KIAA0825: variants seen among roughly 807,000 people sequenced by gnomAD.
KIAA0825 encodes KIAA0825.
In KIAA0825, 119 loss-of-function variants were observed where a neutral mutation model predicts 147.6. That is an observed-to-expected ratio of 0.81 (90% CI 0.69 to 0.94). The LOEUF (loss-of-function observed/expected upper bound fraction) is 0.94. Among genes scored for constraint, KIAA0825 ranks in the 40% least tolerant of loss-of-function variants. The probability of loss-of-function intolerance (pLI) is 0.00; values close to 1 mark genes in which losing one functional copy is unlikely to be tolerated. For missense variants in KIAA0825, 1,381 were observed against 1,472.7 expected (o/e 0.94, Z 1.02); for synonymous variants, 470 against 518.1 (o/e 0.91, Z 1.26).
intron 2 of KIAA0825, among the ~76,000 whole-genome samples, chr5:94,555,266 GAT>G: frequency 6.6e-6 from 1 of 152,064 alleles, no homozygotes; most frequent in South Asian, 2.1e-4. Flanking sequence ...TTAATTTGTT[GAT>G]AGTCATTTAA....
At chr5:94,229,111 C>A (rs1774461636) in intron 20 of KIAA0825, among the ~76,000 whole-genome samples, 1 of 152,210 alleles carries the variant, frequency 6.6e-6, no homozygotes, top group Non-Finnish European at 1.5e-5. Flanking sequence ...TGCTTCCCTC[C>A]TGTGTTAGAT....
intron 15 of KIAA0825, 78 bp downstream of exon 15, chr5:94,417,123 T>G (rs1753575032): frequency 1.5e-6 from 2 of 1,362,436 alleles, no homozygotes; most frequent in Non-Finnish European, 2.0e-6. Flanking sequence ...CCAGTATCAA[T>G]ACAACTTCTA....
intron 20 of KIAA0825, among the ~76,000 whole-genome samples, chr5:94,380,105 A>G (rs1239410523): frequency 6.6e-6 from 1 of 151,906 alleles, no homozygotes; most frequent in Non-Finnish European, 1.5e-5. Context: ...CACCCGCCTC[A>G]GCCTCCCAAA....
chr5:94,446,938 T>A (rs2150878929), intron 13 of KIAA0825, among the ~76,000 whole-genome samples: 1 of 152,236 alleles, frequency 6.6e-6, no homozygotes, highest in South Asian at 2.1e-4. Flanking sequence ...GGAGAGTAGA[T>A]ATTAGAAGTT....
chr5:94,161,456 C>T (rs1373656434), intron 20 of KIAA0825, among the ~76,000 whole-genome samples: 20 of 152,192 alleles, frequency 1.3e-4, no homozygotes. Flanking sequence ...CCACCTTTTT[C>T]ATGGAGAACT....
chr5:94,487,164 C>A (rs2151057067), intron 5 of KIAA0825, among the ~76,000 whole-genome samples: 2 of 152,204 alleles, frequency 1.3e-5, no homozygotes, highest in Middle Eastern at 3.4e-3. Flanking sequence ...ATCTTGTATT[C>A]CAGGAATACA....
rs1163891085 is a variant in KIAA0825, at chr5:94,153,532, A to G, written c.*475T>C. 1 of 152,268 alleles carries G rather than the reference A, an allele frequency of 6.6e-6. No individual in the cohort carries two copies. The highest frequency in any genetic ancestry group is 1.5e-5 in the Non-Finnish European group (1 of 68,124). 9.4% of individuals were successfully genotyped at this position (152,268 alleles called of 1,614,324 possible). On this transcript the variant is annotated 3_prime_UTR_variant, in exon 21 of 21. Coordinates refer to ENST00000682413, the MANE Select transcript of KIAA0825 (RefSeq NM_001145678.3). ...TAGATAAATTGAATGAGGAAAGTTGACACAATTGTGGATAGTAAAGGCAAT... is the reference window on the plus strand; with the variant it reads ...TAGATAAATTGAATGAGGAAAGTTGGCACAATTGTGGATAGTAAAGGCAAT...
chr5:94,448,722 G>T (rs906569362), intron 13 of KIAA0825, among the ~76,000 whole-genome samples: 7 of 152,076 alleles, frequency 4.6e-5, no homozygotes, highest in African/African-American at 1.7e-4. Flanking sequence ...CTAAAGTGAA[G>T]AATAGAGTTT....
chr5:94,452,960 TGA>T lies in KIAA0825; in HGVS notation c.2354_2355del (p.Leu785GlnfsTer24). Reference sequence around the variant, plus strand: ...AGTATGGCATTTAGAGGCTCTCACCTGAGTAAAGAAGGGTAGAAATGTGATAT... The same window carrying T: ...AGTATGGCATTTAGAGGCTCTCACCTGTAAAGAAGGGTAGAAATGTGATAT... ...SCISHFYPSL[L>X]RTPSAGGLKA... On this transcript the variant is annotated frameshift_variant and splice_region_variant, in exon 13 of 21. Transcript: ENST00000682413. LOFTEE classifies it high-confidence loss of function. The T allele has an allele frequency of 6.8e-7, 1 of 1,462,302 alleles. No homozygotes were observed. Among genetic ancestry groups the T allele is most frequent in the Non-Finnish European group, 9.1e-7 (1 of 1,093,088 alleles). 90.6% of individuals were successfully genotyped at this position (1,462,302 alleles called of 1,614,324 possible). A position where few individuals can be genotyped will look rare whatever the true frequency, so the allele number is the denominator to read the frequency against.
chr5:94,290,402 G>T (rs1777837183), intron 20 of KIAA0825, among the ~76,000 whole-genome samples: 1 of 152,104 alleles, frequency 6.6e-6, no homozygotes, highest in African/African-American at 2.4e-5. Flanking sequence ...TTCTGTTCCT[G>T]TGTTAGTTTG....
intron 14 of KIAA0825, among the ~76,000 whole-genome samples, chr5:94,418,993 A>T (rs10050377): frequency 0.49 from 73,638 of 151,778 alleles, 18,249 homozygotes; most frequent in African/African-American, 0.55. Context: ...TTCTCCACCA[A>T]CAGCCTCGCA....
chr5:94,379,131 G>C (rs568787378), intron 20 of KIAA0825, among the ~76,000 whole-genome samples: 3 of 152,142 alleles, frequency 2.0e-5, no homozygotes, highest in African/African-American at 7.2e-5. Flanking sequence ...TGTCAATTTT[G>C]GTTTTTGTTT....
At position 94,434,669 on chromosome 5, in the gene KIAA0825, G is replaced by A. The variant is rs1012814407; in HGVS notation, c.2497+5313C>T. Reference sequence around the variant, plus strand: ...GGAGGCTGGGAAGTCCAAGAGCATGGCGCCAGCATCTAATGAGGATCATCT... The same window carrying A: ...GGAGGCTGGGAAGTCCAAGAGCATGACGCCAGCATCTAATGAGGATCATCT... On this transcript the variant is annotated intron_variant, in intron 14 of 20. Transcript: ENST00000682413. Among the ~76,000 whole-genome samples, 2 of 152,172 alleles carry A rather than the reference G, an allele frequency of 1.3e-5. 1 individual carries two copies. The highest frequency in any genetic ancestry group is 2.9e-5 in the Non-Finnish European group (2 of 68,034).
chr5:94,186,828 G>C (rs1378964767), intron 20 of KIAA0825, among the ~76,000 whole-genome samples: 1 of 152,148 alleles, frequency 6.6e-6, no homozygotes, highest in Non-Finnish European at 1.5e-5. Context: ...CCTTCAGTTT[G>C]GGTAGAGAAA....
chr5:94,458,253 T>C (rs889808291), intron 12 of KIAA0825, among the ~76,000 whole-genome samples: 2 of 152,180 alleles, frequency 1.3e-5, no homozygotes, highest in African/African-American at 2.4e-5. Flanking sequence ...TGAAAATAAC[T>C]CTTTGAGGTT....
intron 20 of KIAA0825, among the ~76,000 whole-genome samples, chr5:94,309,537 T>C (rs530405466): frequency 1.3e-5 from 2 of 151,886 alleles, no homozygotes; most frequent in South Asian, 4.1e-4. Flanking sequence ...AGTGCTATGC[T>C]GTTCAGGAAA....
intron 14 of KIAA0825, among the ~76,000 whole-genome samples, chr5:94,435,118 T>G (rs1756173702): frequency 6.6e-6 from 1 of 152,144 alleles, no homozygotes; most frequent in Non-Finnish European, 1.5e-5. Flanking sequence ...AACCACTATT[T>G]TTTTTTCTTT....
intron 1 of KIAA0825, among the ~76,000 whole-genome samples, chr5:94,604,538 G>A (rs1433964806): frequency 2.0e-5 from 3 of 151,928 alleles, no homozygotes; most frequent in Non-Finnish European, 4.4e-5. Flanking sequence ...CAGCCTGGGC[G>A]ACAGAATGAG....
intron 1 of KIAA0825, among the ~76,000 whole-genome samples, chr5:94,606,771 A>G (rs1054411172): frequency 6.6e-6 from 1 of 152,196 alleles, no homozygotes; most frequent in Non-Finnish European, 1.5e-5. Context: ...AAACAAACAT[A>G]TTAAAGTGGG....
Sources: gnomAD v4.1 joint callset for allele counts (sites outside exome capture counted in the v4.1 genomes callset) on GRCh38, gnomAD v4.1.1 for gene constraint, MANE v1.5 for transcripts, NCBI Gene and HGNC (gene_info 2026-07-23, HGNC 2026-07-21) for gene names.